ADAMTSL3: variants seen among roughly 807,000 people sequenced by gnomAD.
The protein encoded by ADAMTSL3 is ADAMTS-like protein 3.
Under a neutral mutation model 201.7 loss-of-function variants are expected in ADAMTSL3, and 128 were observed. That is an observed-to-expected ratio of 0.63 (90% confidence interval 0.55 to 0.73). The LOEUF is 0.73. ADAMTSL3 is among the 30% of genes least tolerant of loss of function. The pLI is 0.00. For synonymous variants in ADAMTSL3, 738 were observed against 748.4 expected (o/e 0.99, Z 0.23); for missense variants, 1,990 against 2,119.6 (o/e 0.94, Z 1.20).
At chr15:83,853,904 A>C (rs1050888607) in intron 7 of ADAMTSL3, among the ~76,000 whole-genome samples, 1 of 113,868 alleles carries the variant, frequency 8.8e-6, no homozygotes, top group African/African-American at 3.4e-5. Flanking sequence ...CTATCACTCT[A>C]TCTCTATCTA....
chr15:83,692,160 C>T (rs371676962), intron 2 of ADAMTSL3, among the ~76,000 whole-genome samples: 3 of 148,944 alleles, frequency 2.0e-5, no homozygotes, highest in African/African-American at 5.0e-5. Flanking sequence ...TTTTTTCCTG[C>T]TGATTTATGA....
At chr15:83,892,251 G>T (rs913705015) in intron 12 of ADAMTSL3, among the ~76,000 whole-genome samples, 4 of 150,212 alleles carry the variant, frequency 2.7e-5, no homozygotes, top group Non-Finnish European at 4.4e-5. Flanking sequence ...TTTAAAAAAG[G>T]CTGGGCACAG....
chr15:83,805,175 C>T (rs962583745), intron 5 of ADAMTSL3, among the ~76,000 whole-genome samples: 1 of 152,180 alleles, frequency 6.6e-6, no homozygotes. Context: ...GGTGACCCAT[C>T]AGCAAATCAC....
In ADAMTSL3 at chr15:83,837,097, CAA is replaced by C. The variant is rs879386397; in HGVS notation, c.601-991_601-990del. Among the ~76,000 whole-genome samples the C allele has an allele frequency of 4.6e-5, 7 of 151,874 alleles. 1 individual carries two copies. Among genetic ancestry groups the C allele is most frequent in the South Asian group, 4.1e-4 (2 of 4,824 alleles). The stretch of plus-strand genomic sequence containing the variant: ...ACACATATGTACACATGAAAAATGA[CAA>C]GAGAAGGAAGGATAGCAGTATAAAC... On this transcript the variant is annotated intron_variant, in intron 6 of 29. Coordinates refer to ENST00000286744, the MANE Select transcript of ADAMTSL3 (RefSeq NM_207517.3).
intron 6 of ADAMTSL3, among the ~76,000 whole-genome samples, chr15:83,829,000 G>A (rs2064090207): frequency 6.6e-6 from 1 of 152,148 alleles, no homozygotes; most frequent in Non-Finnish European, 1.5e-5. Flanking sequence ...TTTTGGTTGT[G>A]TCTCTTCCAG....
At chr15:83,879,992 T>C (rs1461029122) in intron 9 of ADAMTSL3, among the ~76,000 whole-genome samples, 1 of 152,194 alleles carries the variant, frequency 6.6e-6, no homozygotes, top group Non-Finnish European at 1.5e-5. Flanking sequence ...GTTTATTCTG[T>C]GAAGAAGTCA....
intron 20 of ADAMTSL3, among the ~76,000 whole-genome samples, chr15:83,979,045 C>T (rs1283498012): frequency 6.6e-6 from 1 of 152,224 alleles, no homozygotes; most frequent in East Asian, 1.9e-4. Context: ...AACCCACTTT[C>T]CTGCTGGTCC....
chr15:83,882,466 A>T (rs1389881065), intron 9 of ADAMTSL3, among the ~76,000 whole-genome samples: 1 of 152,156 alleles, frequency 6.6e-6, no homozygotes, highest in Non-Finnish European at 1.5e-5. Flanking sequence ...AGCTTTACTG[A>T]TTTATTTAAT....
intron 3 of ADAMTSL3, among the ~76,000 whole-genome samples, chr15:83,762,405 C>T (rs1185668173): frequency 6.6e-6 from 1 of 152,116 alleles, no homozygotes; most frequent in African/African-American, 2.4e-5. Flanking sequence ...TAATGAAATA[C>T]CTGAGACTGG....
At chr15:83,819,185 C>T (rs1056570561) in intron 5 of ADAMTSL3, among the ~76,000 whole-genome samples, 8 of 150,116 alleles carry the variant, frequency 5.3e-5, no homozygotes, top group Non-Finnish European at 8.9e-5. Context: ...GCAGGAGAAT[C>T]GCTTGAACCT....
At chr15:83,672,182 T>G (rs1454044534) in intron 2 of ADAMTSL3, among the ~76,000 whole-genome samples, 2 of 152,176 alleles carry the variant, frequency 1.3e-5, no homozygotes, top group Non-Finnish European at 2.9e-5. Flanking sequence ...TTCTGAGGGT[T>G]GGTATAGCTC....
chr15:83,813,788 T>C (rs1455657278), intron 5 of ADAMTSL3, among the ~76,000 whole-genome samples: 1 of 152,164 alleles, frequency 6.6e-6, no homozygotes, highest in Non-Finnish European at 1.5e-5. Flanking sequence ...TATATCTTTA[T>C]AGCCAGAGAC....
chr15:83,815,205 G>A (rs1434790465), intron 5 of ADAMTSL3, among the ~76,000 whole-genome samples: 1 of 152,124 alleles, frequency 6.6e-6, no homozygotes, highest in Non-Finnish European at 1.5e-5. Context: ...GTCAAGTCTT[G>A]CTGATATGGA....
At position 83,893,232 on chromosome 15, in the gene ADAMTSL3, T is replaced by C. The variant is rs190893945; in HGVS notation, c.1467+344T>C. Among the ~76,000 whole-genome samples the C allele has an allele frequency of 9.3e-4, 142 of 152,348 alleles. 1 individual carries two copies. Among genetic ancestry groups the C allele is most frequent in the African/African-American group, 3.3e-3 (139 of 41,594 alleles). On this transcript the variant is annotated intron_variant, in intron 13 of 29. Coordinates refer to ENST00000286744, the MANE Select transcript of ADAMTSL3 (RefSeq NM_207517.3). The stretch of plus-strand genomic sequence containing the variant: ...TGTTGCCCTTGTGGTGCCTAATCCA[T>C]CTTTGAATAATTTAAACAAGCAAGA...
chr15:84,017,609 C>T (rs1043429369), intron 25 of ADAMTSL3, among the ~76,000 whole-genome samples: 4 of 152,092 alleles, frequency 2.6e-5, no homozygotes, highest in African/African-American at 9.7e-5. Context: ...CAAGAGAGAG[C>T]ACAGAAGGGG....
chr15:83,867,185 C>A lies in ADAMTSL3; in HGVS notation c.803-3617C>A, dbSNP rs1457352014. ...TAATATCCACATTAACTATAACTAT[C>A]CAAAAGACTGCATTACTAAGAACTG... On this transcript the variant is annotated intron_variant, in intron 8 of 29. Transcript: ENST00000286744. Among the ~76,000 whole-genome samples the A allele has an allele frequency of 3.9e-5, 6 of 152,228 alleles. No homozygotes were observed. In the East Asian group the frequency reaches 9.6e-4, roughly 24 times the overall value.
chr15:83,720,676 T>C (rs534501509), intron 3 of ADAMTSL3, among the ~76,000 whole-genome samples: 17 of 152,372 alleles, frequency 1.1e-4, no homozygotes, highest in Admixed American at 9.8e-4. Flanking sequence ...TACTAAACTA[T>C]TTTAATGACA....
intron 4 of ADAMTSL3, among the ~76,000 whole-genome samples, chr15:83,804,333 A>G (rs764797536): frequency 2.0e-5 from 3 of 152,208 alleles, no homozygotes; most frequent in Non-Finnish European, 2.9e-5. Flanking sequence ...GAATACACAT[A>G]TGCACACATG....
intron 4 of ADAMTSL3, among the ~76,000 whole-genome samples, chr15:83,782,346 G>A (rs987221873): frequency 2.6e-5 from 4 of 151,990 alleles, no homozygotes; most frequent in African/African-American, 9.7e-5. Context: ...GCATGGTGAC[G>A]GGTGCCTGTA....
Sources: gnomAD v4.1 joint callset for allele counts (sites outside exome capture counted in the v4.1 genomes callset) on GRCh38, gnomAD v4.1.1 for gene constraint, MANE v1.5 for transcripts, NCBI Gene and HGNC (gene_info 2026-07-23, HGNC 2026-07-21) for gene names.